Variants in TRAF3 observed in about 807,000 individuals in gnomAD.
TRAF3 encodes the protein TNF receptor-associated factor 3.
A neutral mutation model predicts 62.3 loss-of-function variants in TRAF3; 13 were observed. The ratio of observed to expected loss-of-function variants is 0.21; its 90% CI spans 0.14 to 0.33. TRAF3 has a LOEUF of 0.33. TRAF3 is among the 10% of genes least tolerant of loss of function. The pLI is 1.00. For synonymous variants in TRAF3, 269 were observed against 283.4 expected (o/e 0.95, Z 0.51); for missense variants, 440 against 741.8 (o/e 0.59, Z 4.73).
intron 6 of TRAF3, among the ~76,000 whole-genome samples, chr14:102,877,926 T>C (rs1888809374): frequency 6.6e-6 from 1 of 152,262 alleles, no homozygotes; most frequent in South Asian, 2.1e-4. Context: ...AATTAATATA[T>C]ACTTCTTCCA....
At chr14:102,899,008 G>A (rs964151126) in intron 10 of TRAF3, among the ~76,000 whole-genome samples, 10 of 152,198 alleles carry the variant, frequency 6.6e-5, no homozygotes, top group East Asian at 1.9e-4. Flanking sequence ...TGGGCGTGGC[G>A]GAGAGCAGGT....
In TRAF3 at chr14:102,896,074, A is replaced by G. The variant is rs571126865; in HGVS notation, c.820-1187A>G. On this transcript the variant is annotated intron_variant, in intron 9 of 11. Transcript: ENST00000392745. ...GTTGTGACCAGCATTGTTTATATTT[A>G]TGGGGTACAGTGTAATGTTTTGGTA... Among the ~76,000 whole-genome samples, 223 of 152,278 alleles carry G rather than the reference A, an allele frequency of 1.5e-3. 2 individuals are homozygous for G. The highest frequency in any genetic ancestry group is 5.2e-3 in the African/African-American group (217 of 41,532).
chr14:102,870,457 T>A lies in TRAF3; in HGVS notation c.245+11T>A, dbSNP rs767042911. The A allele has an allele frequency of 5.7e-5, 92 of 1,608,902 alleles. No individual in the cohort carries two copies. The highest frequency in any genetic ancestry group is 2.5e-4 in the Admixed American group (15 of 59,776). The stretch of plus-strand genomic sequence containing the variant: ...GGCGGCCCTGCTGAGGTAGGCGCCC[T>A]CGCCCGGCCCGTCGCCCGGCCCCTT... On this transcript the variant is annotated intron_variant, in intron 3 of 11. Transcript: ENST00000392745.
At chr14:102,821,934 C>T (rs1251836560) in intron 1 of TRAF3, among the ~76,000 whole-genome samples, 1 of 152,032 alleles carries the variant, frequency 6.6e-6, no homozygotes, top group African/African-American at 2.4e-5. Flanking sequence ...CCTAGCTATT[C>T]GAGAGGCTGA....
chr14:102,799,223 T>C (rs945340609), intron 1 of TRAF3, among the ~76,000 whole-genome samples: 1 of 152,096 alleles, frequency 6.6e-6, no homozygotes, highest in Non-Finnish European at 1.5e-5. Context: ...TCATGATGGG[T>C]ACATTTGGGA....
intron 6 of TRAF3, among the ~76,000 whole-genome samples, chr14:102,885,402 G>A (rs1268869883): frequency 6.6e-6 from 1 of 152,190 alleles, no homozygotes; most frequent in African/African-American, 2.4e-5. Flanking sequence ...CTGCTCAGCA[G>A]GGACTGTTCA....
chr14:102,851,837 T>TGGGAGTTCGAGACCAGC (rs1887061168), intron 2 of TRAF3, among the ~76,000 whole-genome samples: 1 of 152,150 alleles, frequency 6.6e-6, no homozygotes, highest in Non-Finnish European at 1.5e-5. Flanking sequence ...TCGAGACCAG[T>TGGGAGTTCGAGACCAGC]CTGGGCCACA....
chr14:102,888,910 C>G (rs1472005875), intron 7 of TRAF3, among the ~76,000 whole-genome samples: 1 of 152,130 alleles, frequency 6.6e-6, no homozygotes, highest in African/African-American at 2.4e-5. Context: ...TCTTGCAAAA[C>G]GAGTTACCTG....
intron 2 of TRAF3, among the ~76,000 whole-genome samples, chr14:102,831,310 A>G (rs1900668903): frequency 6.6e-6 from 1 of 152,226 alleles, no homozygotes; most frequent in African/African-American, 2.4e-5. Context: ...TCGCCCACAC[A>G]GGAGGACCAC....
At chr14:102,901,411 C>T (rs1473436598) in intron 10 of TRAF3, among the ~76,000 whole-genome samples, 1 of 152,178 alleles carries the variant, frequency 6.6e-6, no homozygotes, top group African/African-American at 2.4e-5. Context: ...CATTAACTTT[C>T]CCCTGCCACT....
In TRAF3 at chr14:102,910,489, A is replaced by C. The variant is rs545039340; in HGVS notation, c.*4705A>C. The C allele has an allele frequency of 6.6e-6, 1 of 152,382 alleles. No homozygotes were observed. The highest frequency in any genetic ancestry group is 1.5e-5 in the Non-Finnish European group (1 of 68,044). The allele number at this position is 152,382 out of a possible 1,614,324, so 9.4% of individuals were successfully genotyped here. Reference sequence around the variant, plus strand: ...CTAGCCAGGCGAGGTCAGTGTCGGCAGGCTACCTGGTCATTATTGCTGCCT... The same window carrying C: ...CTAGCCAGGCGAGGTCAGTGTCGGCCGGCTACCTGGTCATTATTGCTGCCT... On this transcript the variant is annotated 3_prime_UTR_variant, in exon 12 of 12. Transcript: ENST00000392745.
chr14:102,818,690 C>T (rs1251172707), intron 1 of TRAF3, among the ~76,000 whole-genome samples: 1 of 152,202 alleles, frequency 6.6e-6, no homozygotes, highest in African/African-American at 2.4e-5. Context: ...TTCTTAGATT[C>T]CACATATAAA....
chr14:102,898,084 C>G (rs1890094636), intron 10 of TRAF3, among the ~76,000 whole-genome samples: 1 of 152,206 alleles, frequency 6.6e-6, no homozygotes, highest in Non-Finnish European at 1.5e-5. Flanking sequence ...GGAAGAATCA[C>G]TCATGTCACT....
chr14:102,788,738 C>G (rs1897629374), intron 1 of TRAF3, among the ~76,000 whole-genome samples: 1 of 152,150 alleles, frequency 6.6e-6, no homozygotes, highest in Admixed American at 6.5e-5. Context: ...GCAAAAGTTG[C>G]AGTGAGCTGA....
chr14:102,778,450 G>A (rs1897125800), intron 1 of TRAF3, among the ~76,000 whole-genome samples: 1 of 152,228 alleles, frequency 6.6e-6, no homozygotes, highest in Non-Finnish European at 1.5e-5. Context: ...ACTGGAAACG[G>A]ATGAGGTGTT....
intron 1 of TRAF3, among the ~76,000 whole-genome samples, chr14:102,827,483 GGT>G (rs1312064071): frequency 6.6e-6 from 1 of 152,160 alleles, no homozygotes; most frequent in Non-Finnish European, 1.5e-5. Flanking sequence ...ATAGCCTGAA[GGT>G]AATTTTATGC....
intron 6 of TRAF3, among the ~76,000 whole-genome samples, chr14:102,877,723 A>T (rs1191714579): frequency 8.0e-6 from 1 of 125,002 alleles, no homozygotes; most frequent in Admixed American, 8.8e-5. Flanking sequence ...AATCCCTTCC[A>T]CAGGCCCTCC....
At chr14:102,812,125 T>G (rs1283648051) in intron 1 of TRAF3, among the ~76,000 whole-genome samples, 1 of 151,756 alleles carries the variant, frequency 6.6e-6, no homozygotes, top group Non-Finnish European at 1.5e-5. Flanking sequence ...TAGACTCTGT[T>G]CCTGTCTAGC....
At chr14:102,799,752 C>T (rs923160663) in intron 1 of TRAF3, among the ~76,000 whole-genome samples, 1 of 152,138 alleles carries the variant, frequency 6.6e-6, no homozygotes, top group Non-Finnish European at 1.5e-5. Context: ...CTTGGCCAAG[C>T]ACTTCTTTTC....
Sources: allele counts gnomAD v4.1 joint callset (sites outside exome capture counted in the v4.1 genomes callset), GRCh38; gene constraint gnomAD v4.1.1; transcripts MANE v1.5; gene names NCBI Gene and HGNC (gene_info 2026-07-23, HGNC 2026-07-21).